Variants in RANBP2 observed in about 807,000 individuals in gnomAD.
RANBP2 encodes the protein RAN binding protein 2.
RANBP2 carries 57 observed loss-of-function variants against 303.6 expected under a neutral mutation model. The ratio of observed to expected loss-of-function variants is 0.19; its 90% CI spans 0.15 to 0.23. The LOEUF (loss-of-function observed/expected upper bound fraction) is 0.23. Ranked by LOEUF, RANBP2 falls within the 10% of genes least tolerant of loss-of-function variation. The probability of loss-of-function intolerance (pLI) is 1.00; values close to 1 mark genes in which losing one functional copy is unlikely to be tolerated. For missense variants in RANBP2, 3,138 were observed against 3,780.8 expected, an observed-to-expected ratio of 0.83 and a Z score of 4.46; for synonymous variants, 1,167 against 1,301.5, an observed-to-expected ratio of 0.90 and a Z score of 2.23.
the RANBP2 span, among the ~76,000 whole-genome samples, chr2:109,114,955 C>A: frequency 9.2e-5 from 14 of 152,212 alleles, no homozygotes; most frequent in African/African-American, 3.4e-4. Flanking sequence ...GAGTGAGTTT[C>A]TTAACCCTGA....
chr2:108,908,035 C>G, the RANBP2 span: 1 of 1,603,068 alleles, frequency 6.2e-7, no homozygotes. Flanking sequence ...AAAACAAGAG[C>G]GATGGTCATT....
chr2:109,341,984 C>T, the RANBP2 span, among the ~76,000 whole-genome samples: 1 of 152,332 alleles, frequency 6.6e-6, no homozygotes, highest in Admixed American at 6.5e-5. Flanking sequence ...CATTCTCAGA[C>T]CCCGCAGTGC....
chr2:108,788,864 T>G (rs1326735532), downstream of RANBP2: 1 of 1,614,112 alleles, frequency 6.2e-7, no homozygotes, highest in Non-Finnish European at 8.5e-7. Flanking sequence ...GATTTGGATA[T>G]CTACTCTGGA....
the RANBP2 span, among the ~76,000 whole-genome samples, chr2:109,353,052 A>G: frequency 6.6e-6 from 1 of 152,200 alleles, no homozygotes; most frequent in African/African-American, 2.4e-5. Flanking sequence ...ACTGGGTGCC[A>G]GATCCACCTC....
the RANBP2 span, among the ~76,000 whole-genome samples, chr2:109,228,097 G>A: frequency 6.6e-6 from 1 of 152,134 alleles, no homozygotes; most frequent in Non-Finnish European, 1.5e-5. Context: ...ACTCTCTCTT[G>A]ACACATACAG....
At chr2:109,147,496 G>A in the RANBP2 span, among the ~76,000 whole-genome samples, 1 of 152,184 alleles carries the variant, frequency 6.6e-6, no homozygotes, top group African/African-American at 2.4e-5. Context: ...CAACAGATCT[G>A]ATAAGAAGCC....
At chr2:109,107,407 A>G in the RANBP2 span, among the ~76,000 whole-genome samples, 39 of 152,306 alleles carry the variant, frequency 2.6e-4, no homozygotes, top group African/African-American at 8.9e-4. Context: ...ATGCTGGCCG[A>G]GTACCCCCTG....
the RANBP2 span, among the ~76,000 whole-genome samples, chr2:109,550,297 CAA>C: frequency 6.7e-6 from 1 of 148,564 alleles, no homozygotes; most frequent in Admixed American, 6.7e-5. Context: ...TCTCAAAAAA[CAA>C]AAAAAAAGTA....
the RANBP2 span, among the ~76,000 whole-genome samples, chr2:109,021,383 C>T: frequency 6.6e-6 from 1 of 151,936 alleles, no homozygotes; most frequent in Non-Finnish European, 1.5e-5. Context: ...AGTAGCCGGG[C>T]GTGGTGGTGG....
chr2:109,647,336 G>A, the RANBP2 span, among the ~76,000 whole-genome samples: 1 of 151,674 alleles, frequency 6.6e-6, no homozygotes, highest in Non-Finnish European at 1.5e-5. Flanking sequence ...GATAATTTTT[G>A]TATTTTTAGT....
At chr2:109,657,293 A>G in the RANBP2 span, among the ~76,000 whole-genome samples, 1 of 152,056 alleles carries the variant, frequency 6.6e-6, no homozygotes, top group Non-Finnish European at 1.5e-5. Flanking sequence ...AAAAAAATAC[A>G]AAAAACTAGC....
the RANBP2 span, among the ~76,000 whole-genome samples, chr2:109,392,971 C>T: frequency 6.6e-6 from 1 of 152,190 alleles, no homozygotes; most frequent in Non-Finnish European, 1.5e-5. Flanking sequence ...ATCCTTCCCT[C>T]TCCACCGCCC....
At chr2:109,373,320 C>A in the RANBP2 span, among the ~76,000 whole-genome samples, 4 of 152,194 alleles carry the variant, frequency 2.6e-5, no homozygotes, top group Non-Finnish European at 1.5e-5. Context: ...CTTTTTTCTC[C>A]AGGCAGAATC....
chr2:109,429,719 GA>G, the RANBP2 span, among the ~76,000 whole-genome samples: 1 of 152,314 alleles, frequency 6.6e-6, no homozygotes, highest in Non-Finnish European at 1.5e-5. Context: ...ACCATGGACA[GA>G]AGCTCCATCC....
chr2:108,795,526 C>T, the RANBP2 span, among the ~76,000 whole-genome samples: 1 of 152,170 alleles, frequency 6.6e-6, no homozygotes, highest in Non-Finnish European at 1.5e-5. Flanking sequence ...ATGTAATGCG[C>T]AGTATCTGTT....
the RANBP2 span, chr2:109,129,722 T>G: frequency 6.5e-7 from 1 of 1,538,042 alleles, no homozygotes; most frequent in Non-Finnish European, 8.7e-7. Context: ...TCCGTGTGTC[T>G]GGAGCGCCTG....
chr2:109,506,534 G>T, the RANBP2 span, among the ~76,000 whole-genome samples: 1 of 152,214 alleles, frequency 6.6e-6, no homozygotes, highest in Non-Finnish European at 1.5e-5. Flanking sequence ...AGGACAGGGT[G>T]GGGGCTTCTC....
chr2:108,894,177 C>CAGTT, the RANBP2 span, among the ~76,000 whole-genome samples: 4 of 152,140 alleles, frequency 2.6e-5, no homozygotes, highest in African/African-American at 9.7e-5. Context: ...TAAGACAAGA[C>CAGTT]AGTTTGTTAC....
At chr2:109,681,114 C>G in the RANBP2 span, among the ~76,000 whole-genome samples, 1 of 152,204 alleles carries the variant, frequency 6.6e-6, no homozygotes, top group Non-Finnish European at 1.5e-5. Context: ...TAACTGCAGT[C>G]TTCTCGATGC....
Sources: allele counts gnomAD v4.1 joint callset (sites outside exome capture counted in the v4.1 genomes callset), GRCh38; gene constraint gnomAD v4.1.1; transcripts MANE v1.5; gene names NCBI Gene and HGNC (gene_info 2026-07-23, HGNC 2026-07-21).